Variants in SNX6 observed in about 807,000 individuals in gnomAD.
SNX6 encodes sorting nexin 6.
In SNX6, 34 loss-of-function variants were observed where a neutral mutation model predicts 63.0. The observed-to-expected ratio is 0.54, with a 90% confidence interval of 0.41 to 0.72. The LOEUF (loss-of-function observed/expected upper bound fraction) is 0.72, where lower values mean the gene tolerates loss of function less well. Among genes scored for constraint, SNX6 ranks in the 30% least tolerant of loss-of-function variants. SNX6 has a pLI of 0.00. For synonymous variants in SNX6, 170 were observed against 164.2 expected, an observed-to-expected ratio of 1.04 and a Z score of -0.27; for missense variants, 398 against 471.4, an observed-to-expected ratio of 0.84 and a Z score of 1.44.
chr14:34,615,292 T>C (rs760392551), intron 2 of SNX6, among the ~76,000 whole-genome samples: 13 of 152,042 alleles, frequency 8.6e-5, no homozygotes, highest in Admixed American at 2.0e-4. Flanking sequence ...TTAACAAATA[T>C]ATAGGCCACC....
chr14:34,617,974 G>C (rs1196934257), intron 2 of SNX6, among the ~76,000 whole-genome samples: 2 of 151,858 alleles, frequency 1.3e-5, no homozygotes, highest in African/African-American at 4.8e-5. Flanking sequence ...ATACTGACTA[G>C]TGTACTATGA....
intron 4 of SNX6, among the ~76,000 whole-genome samples, chr14:34,606,604 C>T (rs933747893): frequency 3.3e-5 from 5 of 151,740 alleles, no homozygotes; most frequent in African/African-American, 7.3e-5. Flanking sequence ...AGGCATGTGC[C>T]ACCATGCCTG....
At chr14:34,618,768 T>C (rs866318426) in intron 2 of SNX6, among the ~76,000 whole-genome samples, 1 of 152,040 alleles carries the variant, frequency 6.6e-6, no homozygotes, top group African/African-American at 2.4e-5. Flanking sequence ...TTCCTTCAAG[T>C]CCTTAAGTCT....
chr14:34,590,086 C>T (rs1035106347), intron 8 of SNX6, among the ~76,000 whole-genome samples: 2 of 151,998 alleles, frequency 1.3e-5, no homozygotes, highest in African/African-American at 4.8e-5. Flanking sequence ...TCCTGGGTGA[C>T]AGAGCGAGAC....
chr14:34,593,212 T>C (rs1465375535), intron 7 of SNX6, 62 bp from the exon 8 acceptor site: 1 of 932,188 alleles, frequency 1.1e-6, no homozygotes, highest in Non-Finnish European at 1.6e-6. Flanking sequence ...TATATGTAAA[T>C]AACTATCATT....
intron 7 of SNX6, 88 bp downstream of exon 7, chr14:34,597,462 C>T (rs1048801538): frequency 2.4e-6 from 2 of 821,186 alleles, no homozygotes; most frequent in Non-Finnish European, 4.0e-6. Flanking sequence ...ATGTCTTTTA[C>T]TCTAATTCTG....
chr14:34,628,181 C>T (rs554624291), intron 2 of SNX6, among the ~76,000 whole-genome samples: 3 of 150,920 alleles, frequency 2.0e-5, no homozygotes, highest in East Asian at 2.0e-4. Context: ...ACAAACAGGC[C>T]GGGCGTGGTG....
At chr14:34,584,525 G>A (rs750326544) in intron 9 of SNX6, among the ~76,000 whole-genome samples, 1 of 151,870 alleles carries the variant, frequency 6.6e-6, no homozygotes, top group Non-Finnish European at 1.5e-5. Flanking sequence ...GCAAGACACC[G>A]TCTTCCGGGG....
intron 3 of SNX6, 72 bp downstream of exon 3, chr14:34,609,566 A>T: frequency 1.3e-6 from 1 of 769,792 alleles, no homozygotes; most frequent in Admixed American, 2.5e-5. Flanking sequence ...TTAAAACCCA[A>T]GTCTGGTCAA....
At chr14:34,586,064 G>T (rs1440845488) in intron 9 of SNX6, among the ~76,000 whole-genome samples, 166 bp downstream of exon 9, 2 of 151,856 alleles carry the variant, frequency 1.3e-5, no homozygotes, top group Non-Finnish European at 2.9e-5. Context: ...CACCCCGCCT[G>T]GCTAATTTTT....
At chr14:34,629,104 T>C (rs1442518928) in intron 2 of SNX6, among the ~76,000 whole-genome samples, 1 of 150,442 alleles carries the variant, frequency 6.6e-6, no homozygotes, top group African/African-American at 2.4e-5. Flanking sequence ...AAAGGGTACA[T>C]ACTTGAAATT....
chr14:34,605,687 C>A lies in SNX6; in HGVS notation c.301G>T (p.Asp101Tyr). ...IPPAPPRPDF[D>Y]ASREKLQKLG... ...TTCTGTAGTTTTTCCCTTGAAGCAT[C>A]AAAATCAGGTCTTGGTGGTGCTGGT... The change falls in exon 5 of 14, where the codon GAT becomes TAT. Residue 101 changes from aspartate to tyrosine, a missense_variant. Physicochemically the swap from Asp to Tyr is radical, Grantham distance 160. Transcript: ENST00000362031. 6.2e-7 allele frequency: 1 copy of A among 1,610,230 alleles called. No homozygotes were observed. The highest frequency in any genetic ancestry group is 8.5e-7 in the Non-Finnish European group (1 of 1,178,744).
chr14:34,584,632 TCTTA>T (rs1453189085), intron 9 of SNX6, among the ~76,000 whole-genome samples: 1 of 152,018 alleles, frequency 6.6e-6, no homozygotes, highest in Non-Finnish European at 1.5e-5. Context: ...AAATGGCAGT[TCTTA>T]TTTATAAGCT....
In SNX6 at chr14:34,582,648, C is replaced by T. The variant is rs1366838461; in HGVS notation, c.795-1048G>A. 2.0e-4 allele frequency among the ~76,000 whole-genome samples: 30 copies of T among 152,150 alleles called. 1 individual carries two copies. Among genetic ancestry groups the T allele is most frequent in the African/African-American group, 6.5e-4 (27 of 41,538 alleles). ...GCAACCTCCACCTCCTGGGTTCAAA[C>T]GATTCTCCTGCTTCAGCCTCCTAAG... On this transcript the variant is annotated intron_variant, in intron 9 of 13. Coordinates refer to ENST00000362031, the MANE Select transcript of SNX6 (RefSeq NM_152233.4).
intron 9 of SNX6, among the ~76,000 whole-genome samples, chr14:34,583,846 G>C: frequency 1.2e-5 from 1 of 84,686 alleles, no homozygotes; most frequent in East Asian, 3.7e-4. Flanking sequence ...CTTTGGGAAG[G>C]TGGCTTTTTT....
chr14:34,614,967 T>C (rs1883364122), intron 2 of SNX6, among the ~76,000 whole-genome samples: 1 of 152,180 alleles, frequency 6.6e-6, no homozygotes, highest in Admixed American at 6.6e-5. Context: ...TAACTACTGA[T>C]CTATCAGTTT....
chr14:34,614,287 A>G (rs1451129407), intron 2 of SNX6, among the ~76,000 whole-genome samples: 3 of 151,848 alleles, frequency 2.0e-5, no homozygotes, highest in Non-Finnish European at 4.4e-5. Context: ...ACAATAACCA[A>G]AACAAAAATT....
intron 2 of SNX6, 27 bp downstream of exon 2, chr14:34,629,880 C>T (rs1251866210): frequency 1.9e-6 from 3 of 1,552,920 alleles, no homozygotes; most frequent in South Asian, 2.4e-5. Flanking sequence ...TCCAGGGTCC[C>T]GCGAGCGAAA....
At chr14:34,573,715 T>C (rs1343260222) in intron 11 of SNX6, among the ~76,000 whole-genome samples, 2 of 152,006 alleles carry the variant, frequency 1.3e-5, no homozygotes, top group Admixed American at 6.6e-5. Context: ...CTCGGCTCAC[T>C]GCTACCTACC....
Sources: gnomAD v4.1 joint callset for allele counts (sites outside exome capture counted in the v4.1 genomes callset) on GRCh38, gnomAD v4.1.1 for gene constraint, MANE v1.5 for transcripts, NCBI Gene and HGNC (gene_info 2026-07-23, HGNC 2026-07-21) for gene names.